MAST4: variants seen among roughly 807,000 people sequenced by gnomAD.
MAST4 encodes the protein microtubule associated serine/threonine kinase family member 4.
Under a neutral mutation model 162.7 loss-of-function variants are expected in MAST4, and 89 were observed. The observed-to-expected ratio is 0.55, with a 90% CI of 0.46 to 0.65. MAST4 has a LOEUF of 0.65. Among genes scored for constraint, MAST4 ranks in the 30% least tolerant of loss-of-function variants. The probability of loss-of-function intolerance (pLI) is 0.00; values close to 1 mark genes in which losing one functional copy is unlikely to be tolerated. For missense variants in MAST4, 3,153 were observed against 3,374.0 expected (o/e 0.93, Z 1.62); for synonymous variants, 1,479 against 1,361.1 (o/e 1.09, Z -1.91).
At chr5:66,717,248 A>G (rs192938530) in intron 1 of MAST4, among the ~76,000 whole-genome samples, 2 of 152,270 alleles carry the variant, frequency 1.3e-5, no homozygotes, top group African/African-American at 4.8e-5. Context: ...CCTGGCAAAA[A>G]TGCTGCTATT....
chr5:67,121,781 T>A (rs1767628990), intron 14 of MAST4, among the ~76,000 whole-genome samples: 1 of 152,166 alleles, frequency 6.6e-6, no homozygotes, highest in Admixed American at 6.6e-5. Flanking sequence ...GCTCACAGGC[T>A]GCGGGTTGGA....
At chr5:66,686,746 C>T (rs941972092) in intron 1 of MAST4, among the ~76,000 whole-genome samples, 1 of 152,086 alleles carries the variant, frequency 6.6e-6, no homozygotes, top group African/African-American at 2.4e-5. Context: ...TCAGTCTCTC[C>T]CGGAAGTTGC....
chr5:67,069,676 A>T (rs1022595274), intron 5 of MAST4, among the ~76,000 whole-genome samples: 1 of 152,138 alleles, frequency 6.6e-6, no homozygotes, highest in African/African-American at 2.4e-5. Flanking sequence ...CGTGCCTCCC[A>T]GGAACTTTGA....
At chr5:66,690,869 A>T (rs911262911) in intron 1 of MAST4, among the ~76,000 whole-genome samples, 2 of 151,998 alleles carry the variant, frequency 1.3e-5, no homozygotes, top group African/African-American at 2.4e-5. Flanking sequence ...AGGGGTGGCT[A>T]CTCTTTCTCC....
chr5:67,049,025 A>ATATATATATATACG (rs1561576236), intron 4 of MAST4, among the ~76,000 whole-genome samples: 1,153 of 68,946 alleles, frequency 0.017, 31 homozygotes, highest in Admixed American at 0.042. Context: ...ATATATACGT[A>ATATATATATATACG]TATATATATA....
intron 18 of MAST4, 38 bp downstream of exon 18, chr5:67,134,726 G>A (rs777637904): frequency 2.6e-6 from 4 of 1,531,292 alleles, no homozygotes; most frequent in Middle Eastern, 1.7e-4. Flanking sequence ...GTCACTGTTG[G>A]GAAGCAGCTA....
intron 3 of MAST4, among the ~76,000 whole-genome samples, chr5:66,810,290 G>C (rs907012705): frequency 7.2e-5 from 11 of 152,162 alleles, no homozygotes; most frequent in Non-Finnish European, 1.6e-4. Flanking sequence ...TTAACATAAA[G>C]AGTTAGTTTC....
chr5:66,756,904 C>T (rs1753573870), intron 1 of MAST4, among the ~76,000 whole-genome samples: 1 of 152,144 alleles, frequency 6.6e-6, no homozygotes, highest in South Asian at 2.1e-4. Flanking sequence ...AGTTCACTGC[C>T]TCAGTTTTCC....
intron 4 of MAST4, among the ~76,000 whole-genome samples, chr5:66,955,899 A>T (rs1745256809): frequency 6.6e-6 from 1 of 152,060 alleles, no homozygotes; most frequent in African/African-American, 2.4e-5. Flanking sequence ...GTGTTTGTTT[A>T]TAGTTTTATT....
At chr5:67,157,884 A>G (rs1561186590) in intron 26 of MAST4, among the ~76,000 whole-genome samples, 1 of 152,254 alleles carries the variant, frequency 6.6e-6, no homozygotes, top group Non-Finnish European at 1.5e-5. Flanking sequence ...TTTAGAGAAT[A>G]TATATGAAAA....
chr5:66,605,542 G>C (rs1174882279), intron 1 of MAST4, among the ~76,000 whole-genome samples: 1 of 152,086 alleles, frequency 6.6e-6, no homozygotes, highest in Non-Finnish European at 1.5e-5. Context: ...GTACTTTACT[G>C]TTCAAAATAC....
chr5:66,863,489 C>G (rs749555192), intron 3 of MAST4, among the ~76,000 whole-genome samples: 4 of 152,186 alleles, frequency 2.6e-5, no homozygotes, highest in Non-Finnish European at 4.4e-5. Context: ...TTGCACCTTT[C>G]CCCATGTCTC....
chr5:66,787,948 C>T (rs1298198332), intron 2 of MAST4, among the ~76,000 whole-genome samples: 2 of 152,168 alleles, frequency 1.3e-5, no homozygotes, highest in African/African-American at 2.4e-5. Flanking sequence ...CAAAAACTAT[C>T]ATTTCTTGTG....
At chr5:67,147,648 G>A (rs1161267929) in intron 23 of MAST4, among the ~76,000 whole-genome samples, 1 of 152,194 alleles carries the variant, frequency 6.6e-6, no homozygotes, top group Non-Finnish European at 1.5e-5. Flanking sequence ...ACTTGTCAGT[G>A]ATCCCATCCA....
At chr5:67,145,421 CTAAG>C in intron 23 of MAST4, 42 bp downstream of exon 23, 3 of 1,553,632 alleles carry the variant, frequency 1.9e-6, no homozygotes, top group Non-Finnish European at 2.7e-6. Flanking sequence ...CCTCACCACA[CTAAG>C]TGTCTCCTAG....
chr5:66,656,638 G>A (rs1746570015), intron 1 of MAST4, among the ~76,000 whole-genome samples: 1 of 152,110 alleles, frequency 6.6e-6, no homozygotes, highest in Non-Finnish European at 1.5e-5. Flanking sequence ...TAGGTTCACT[G>A]GTTTTTCCAT....
At chr5:66,900,951 C>T (rs460062) in intron 4 of MAST4, among the ~76,000 whole-genome samples, 108,426 of 151,968 alleles carry the variant, frequency 0.71, 38,927 homozygotes, top group Middle Eastern at 0.77. Flanking sequence ...TTATTATTTT[C>T]GGAGAATGTG....
intron 3 of MAST4, among the ~76,000 whole-genome samples, chr5:66,807,477 T>G (rs1486387214): frequency 6.8e-6 from 1 of 147,892 alleles, no homozygotes; most frequent in Non-Finnish European, 1.5e-5. Flanking sequence ...CAGTCCGGCC[T>G]GGGCGACAGA....
At chr5:66,749,768 A>G (rs1296815588) in intron 1 of MAST4, among the ~76,000 whole-genome samples, 1 of 152,240 alleles carries the variant, frequency 6.6e-6, no homozygotes, top group African/African-American at 2.4e-5. Context: ...CAGGTGCAGA[A>G]ATAGTTAAAT....
Sources: gnomAD v4.1 joint callset for allele counts (sites outside exome capture counted in the v4.1 genomes callset) on GRCh38, gnomAD v4.1.1 for gene constraint, MANE v1.5 for transcripts, NCBI Gene and HGNC (gene_info 2026-07-23, HGNC 2026-07-21) for gene names.